HS3ST5: variants seen among roughly 807,000 people sequenced by gnomAD.
The protein encoded by HS3ST5 is heparan sulfate-glucosamine 3-sulfotransferase 5, also known as heparan sulfate glucosamine 3-O-sulfotransferase 5.
HS3ST5 carries 10 observed loss-of-function variants against 25.4 expected under a neutral mutation model. The observed-to-expected ratio is 0.39, with a 90% CI of 0.24 to 0.67. The LOEUF (loss-of-function observed/expected upper bound fraction) is 0.67. Ranked by LOEUF, HS3ST5 falls within the 30% of genes least tolerant of loss-of-function variation. HS3ST5 has a pLI of 0.44. For synonymous variants in HS3ST5, 170 were observed against 162.4 expected, an observed-to-expected ratio of 1.05 and a Z score of -0.36; for missense variants, 324 against 420.7, an observed-to-expected ratio of 0.77 and a Z score of 2.01.
At chr6:114,137,012 T>C (rs1777650537) in intron 3 of HS3ST5, among the ~76,000 whole-genome samples, 1 of 152,238 alleles carries the variant, frequency 6.6e-6, no homozygotes, top group Non-Finnish European at 1.5e-5. Context: ...ATTCAGAGAA[T>C]ATAATGAATT....
rs562678844 is a variant in HS3ST5 at position 114,202,073 on chromosome 6, G to A, written c.-145+26512C>T. On this transcript the variant is annotated intron_variant, in intron 2 of 4. Transcript: ENST00000312719. ...GGGGACACAGCCAAATCACATCAGAGGCTATCTTGACCACCCTATTTAAAA... is the reference window on the plus strand; with the variant it reads ...GGGGACACAGCCAAATCACATCAGAAGCTATCTTGACCACCCTATTTAAAA... Among the ~76,000 whole-genome samples the A allele has an allele frequency of 1.8e-4, 27 of 152,070 alleles. No homozygotes were observed. In the South Asian group the frequency reaches 4.6e-3, roughly 26 times the overall value.
At chr6:114,251,151 G>A (rs775542859) in intron 1 of HS3ST5, among the ~76,000 whole-genome samples, 11 of 152,142 alleles carry the variant, frequency 7.2e-5, no homozygotes, top group South Asian at 4.1e-4. Flanking sequence ...AAAAAGTAAC[G>A]TATAAAAAGA....
intron 2 of HS3ST5, among the ~76,000 whole-genome samples, chr6:114,174,532 T>C (rs1406063303): frequency 1.3e-5 from 2 of 152,188 alleles, no homozygotes; most frequent in Non-Finnish European, 2.9e-5. Context: ...AATGTGTTTC[T>C]TTTTTCTTTT....
intron 4 of HS3ST5, chr6:114,059,280 G>A (rs1772954240): frequency 6.6e-6 from 1 of 152,110 alleles, no homozygotes; most frequent in African/African-American, 2.4e-5. Context: ...AGCCTTCTTG[G>A]TAAAATTAAA....
At chr6:114,182,362 G>A (rs1780012849) in intron 2 of HS3ST5, among the ~76,000 whole-genome samples, 1 of 152,160 alleles carries the variant, frequency 6.6e-6, no homozygotes, top group African/African-American at 2.4e-5. Context: ...GGGCAATGCT[G>A]AGATAATTAC....
intron 3 of HS3ST5, among the ~76,000 whole-genome samples, chr6:114,082,147 G>A (rs763416910): frequency 2.0e-4 from 30 of 152,134 alleles, no homozygotes; most frequent in Non-Finnish European, 4.0e-4. Context: ...AACAAAAATT[G>A]TGACGTTTCA....
intron 4 of HS3ST5, among the ~76,000 whole-genome samples, chr6:114,060,868 T>C (rs1159569006): frequency 6.6e-6 from 1 of 152,218 alleles, no homozygotes; most frequent in Non-Finnish European, 1.5e-5. Flanking sequence ...AAATATCATA[T>C]TCTTTCCCAC....
At chr6:114,268,990 A>T (rs1773525871) in intron 1 of HS3ST5, among the ~76,000 whole-genome samples, 1 of 152,164 alleles carries the variant, frequency 6.6e-6, no homozygotes, top group African/African-American at 2.4e-5. Context: ...AGGGTTAAGG[A>T]TGTTATGGGC....
intron 2 of HS3ST5, among the ~76,000 whole-genome samples, chr6:114,227,218 G>A (rs2114517314): frequency 9.7e-6 from 1 of 102,734 alleles, no homozygotes; most frequent in Middle Eastern, 5.0e-3. Context: ...GCTAATATGT[G>A]CTAATTGGCA....
intron 3 of HS3ST5, among the ~76,000 whole-genome samples, chr6:114,144,185 G>A (rs1229286727): frequency 6.6e-6 from 1 of 152,154 alleles, no homozygotes; most frequent in Non-Finnish European, 1.5e-5. Context: ...ATGAATATAG[G>A]AGAGCTGCTT....
At chr6:114,296,932 T>G (rs980571629) in intron 1 of HS3ST5, among the ~76,000 whole-genome samples, 4 of 152,066 alleles carry the variant, frequency 2.6e-5, no homozygotes, top group Non-Finnish European at 2.9e-5. Flanking sequence ...AGGATAACAC[T>G]GAACACAAAG....
chr6:114,080,793 G>A (rs1013975282), intron 3 of HS3ST5, among the ~76,000 whole-genome samples: 11 of 152,188 alleles, frequency 7.2e-5, no homozygotes, highest in African/African-American at 2.4e-4. Context: ...GTAGGAGGGA[G>A]AGAAGGGGCA....
At chr6:114,163,800 A>G (rs1779084856) in intron 3 of HS3ST5, among the ~76,000 whole-genome samples, 1 of 152,058 alleles carries the variant, frequency 6.6e-6, no homozygotes, top group Non-Finnish European at 1.5e-5. Context: ...TTTCTATTTG[A>G]GAGTTTTTCT....
intron 2 of HS3ST5, among the ~76,000 whole-genome samples, chr6:114,188,346 G>C (rs769042327): frequency 1.1e-4 from 17 of 152,176 alleles, no homozygotes; most frequent in Non-Finnish European, 2.4e-4. Context: ...ATAGCATTTA[G>C]CACAATTGAT....
chr6:114,062,792 G>C lies in HS3ST5; in HGVS notation c.54C>G (p.Ser18Arg). The part of the protein sequence containing the change: ...WLRQKLLVLG[S>R]LAVGSLLYLV... ...GATACAGGAGACTCCCAACGGCAAG[G>C]CTTCCCAGCACCAGGAGCTTCTGTC... Residue 18 changes from serine to arginine, a missense_variant, in exon 4 of 5, where the codon AGC (serine) becomes AGG (arginine). This residue lies in a region of HS3ST5 where 121 missense variants were observed against 117.3 expected (regional missense o/e 1.03). Transcript: ENST00000312719. 1 of 1,614,016 alleles carries C rather than the reference G, an allele frequency of 6.2e-7. No homozygotes were observed. Among genetic ancestry groups the C allele is most frequent in the Non-Finnish European group, 8.5e-7 (1 of 1,179,958 alleles).
intron 1 of HS3ST5, among the ~76,000 whole-genome samples, chr6:114,299,963 C>T (rs1775001155): frequency 6.6e-6 from 1 of 152,188 alleles, no homozygotes; most frequent in Non-Finnish European, 1.5e-5. Context: ...TTCCCTCTCT[C>T]ATGTTCTAAC....
chr6:114,199,497 C>T (rs1231985614), intron 2 of HS3ST5, among the ~76,000 whole-genome samples: 1 of 152,076 alleles, frequency 6.6e-6, no homozygotes, highest in Non-Finnish European at 1.5e-5. Context: ...TGCACACAAG[C>T]ACATTAAGAG....
intron 3 of HS3ST5, among the ~76,000 whole-genome samples, chr6:114,147,292 C>G (rs890666497): frequency 6.6e-6 from 1 of 152,154 alleles, no homozygotes; most frequent in African/African-American, 2.4e-5. Flanking sequence ...TATTTTCCAG[C>G]CTCCCTTGCA....
At chr6:114,197,716 T>C (rs963344025) in intron 2 of HS3ST5, among the ~76,000 whole-genome samples, 1 of 152,148 alleles carries the variant, frequency 6.6e-6, no homozygotes, top group Non-Finnish European at 1.5e-5. Flanking sequence ...CACTTATAAA[T>C]GAGAATATGT....
Sources: allele counts gnomAD v4.1 joint callset (sites outside exome capture counted in the v4.1 genomes callset), GRCh38; gene constraint gnomAD v4.1.1; regional missense constraint gnomAD v4.1.1; transcripts MANE v1.5; gene names NCBI Gene and HGNC (gene_info 2026-07-23, HGNC 2026-07-21).